Variants in RUNX1T1 observed in about 807,000 individuals in gnomAD.
RUNX1T1 encodes the protein RUNX1 partner transcriptional co-repressor 1.
A neutral mutation model predicts 62.8 loss-of-function variants in RUNX1T1; 4 were observed. That is an observed-to-expected ratio of 0.06 (90% CI 0.03 to 0.15). The LOEUF is 0.15. Ranked by LOEUF, RUNX1T1 falls within the 10% of genes least tolerant of loss-of-function variation. The pLI is 1.00. For missense variants in RUNX1T1, 508 were observed against 754.3 expected (o/e 0.67, Z 3.82); for synonymous variants, 291 against 286.0 (o/e 1.02, Z -0.18).
Position 91,991,770 on chromosome 8 carries a change from T to C in RUNX1T1, c.779A>G (p.Asn260Ser), listed in dbSNP as rs774943692. ...AGGTGGGGTAGGGTGAGGCAGGCCA[T>C]TGGGCTGGTAGGATAAGCCGTTATT... The change falls in exon 6 of 11, where the codon AAT (asparagine) becomes AGT (serine). Residue 260 changes from asparagine to serine, a missense_variant. Asn to Ser is a conservative substitution (Grantham distance 46). This residue lies in a region of RUNX1T1 where 167 missense variants were observed against 208.6 expected (regional missense o/e 0.80). Transcript: ENST00000396218. The C allele has an allele frequency of 2.5e-5, 40 of 1,613,972 alleles. No homozygotes were observed. Among genetic ancestry groups the C allele is most frequent in the Middle Eastern group, 1.6e-4 (1 of 6,084 alleles).
At chr8:92,088,636 A>T (rs1471763) in intron 1 of RUNX1T1, among the ~76,000 whole-genome samples, 129,309 of 152,188 alleles carry the variant, frequency 0.85, 55,370 homozygotes, top group East Asian at 0.99. Flanking sequence ...CCTCACTAAG[A>T]GTTACTAGGT....
upstream of RUNX1T1, among the ~76,000 whole-genome samples, chr8:92,067,090 G>A (rs141588720): frequency 4.2e-3 from 635 of 152,258 alleles, 6 homozygotes; most frequent in Middle Eastern, 0.041. Context: ...GAATTTGAAG[G>A]GTGTATAAAC....
At chr8:92,085,281 A>T (rs972097869) in intron 1 of RUNX1T1, among the ~76,000 whole-genome samples, 1 of 152,238 alleles carries the variant, frequency 6.6e-6, no homozygotes, top group African/African-American at 2.4e-5. Context: ...AATGACTCAG[A>T]GTACCAAAGG....
rs756008674 is a variant in RUNX1T1, at chr8:92,062,804, G to C, written c.-252C>G. On this transcript the variant is annotated 5_prime_UTR_variant, in exon 1 of 11. Transcript: ENST00000396218. The stretch of plus-strand genomic sequence containing the variant: ...AGGAGCACATGTGGCCTTGAACCCA[G>C]CCCTGTCTCTTTAGGCAGAACAATG... 36 of 1,465,290 alleles carry C rather than the reference G, an allele frequency of 2.5e-5. No homozygotes were observed. In the Admixed American group the frequency reaches 5.1e-4, roughly 21 times the overall value. The allele number at this position is 1,465,290 out of a possible 1,614,324, so 90.8% of individuals were successfully genotyped here.
At chr8:92,000,813 C>G (rs924564585) in intron 5 of RUNX1T1, among the ~76,000 whole-genome samples, 1 of 152,120 alleles carries the variant, frequency 6.6e-6, no homozygotes, top group Non-Finnish European at 1.5e-5. Flanking sequence ...TATACTATGG[C>G]ATCTACCCAC....
intron 1 of RUNX1T1, among the ~76,000 whole-genome samples, chr8:92,031,842 A>G (rs1826283681): frequency 6.6e-6 from 1 of 152,078 alleles, no homozygotes; most frequent in South Asian, 2.1e-4. Flanking sequence ...CTGTAATCCC[A>G]GCACTTTGGG....
upstream of RUNX1T1, chr8:92,102,736 C>T: frequency 9.3e-7 from 1 of 1,072,648 alleles, no homozygotes; most frequent in Non-Finnish European, 1.3e-6. This position sits in a 1 kb window ranked among gnomAD's most constrained non-coding sequence, Gnocchi z 4.5. Context: ...CAAGTACAGC[C>T]TGGAGCCTCG....
chr8:92,038,529 C>G (rs1827840541), intron 1 of RUNX1T1, among the ~76,000 whole-genome samples: 1 of 152,036 alleles, frequency 6.6e-6, no homozygotes, highest in African/African-American at 2.4e-5. Context: ...AAAAGCCAAA[C>G]AGGACACAGG....
chr8:91,977,100 G>A (rs1012370560), intron 8 of RUNX1T1: 1 of 194,264 alleles, frequency 5.1e-6, no homozygotes, highest in African/African-American at 2.3e-5. Context: ...CTAAGTATAT[G>A]TTGTTACATT....
chr8:92,012,515 C>G (rs763392306), intron 3 of RUNX1T1, among the ~76,000 whole-genome samples: 1 of 151,664 alleles, frequency 6.6e-6, no homozygotes, highest in East Asian at 1.9e-4. Flanking sequence ...TGACAGAGAA[C>G]GGGTATGGGT....
intron 3 of RUNX1T1, among the ~76,000 whole-genome samples, chr8:92,011,952 G>A (rs1822023662): frequency 6.6e-6 from 1 of 152,124 alleles, no homozygotes; most frequent in African/African-American, 2.4e-5. Context: ...AGTTTCTCAG[G>A]CAGGATCACA....
upstream of RUNX1T1, among the ~76,000 whole-genome samples, chr8:92,064,930 C>T (rs1015827283): frequency 1.3e-5 from 2 of 152,060 alleles, no homozygotes; most frequent in Admixed American, 1.3e-4. Context: ...TTAAATTGAT[C>T]CACATCAACA....
At chr8:92,075,319 C>T (rs1834259135) in intron 2 of RUNX1T1, among the ~76,000 whole-genome samples, 1 of 152,236 alleles carries the variant, frequency 6.6e-6, no homozygotes, top group Non-Finnish European at 1.5e-5. Context: ...CATGAACTCT[C>T]TCCCATAATT....
At chr8:91,961,098 A>G (rs560820217) in intron 10 of RUNX1T1, among the ~76,000 whole-genome samples, 14 of 152,324 alleles carry the variant, frequency 9.2e-5, no homozygotes, top group African/African-American at 3.4e-4. Context: ...GCATCCATTC[A>G]GTGAACCTTA....
At chr8:91,957,220 GTTTTC>G (rs1263695038), downstream of RUNX1T1, 2 of 219,512 alleles carry the variant, frequency 9.1e-6, no homozygotes, top group African/African-American at 4.5e-5. Context: ...AGTAACAAAA[GTTTTC>G]TTTTCTTTCT....
intron 1 of RUNX1T1, among the ~76,000 whole-genome samples, chr8:92,034,797 T>TAC (rs200718439): frequency 0.18 from 17,079 of 96,480 alleles, 1,242 homozygotes; most frequent in Middle Eastern, 0.22. Flanking sequence ...TATACATATA[T>TAC]ACACACACAC....
intron 1 of RUNX1T1, among the ~76,000 whole-genome samples, chr8:92,025,409 A>G (rs537135988): frequency 6.6e-6 from 1 of 152,090 alleles, no homozygotes; most frequent in Non-Finnish European, 1.5e-5. Context: ...CCTCCATACT[A>G]GACAGCTGCA....
chr8:92,057,861 C>T (rs1475989465), intron 1 of RUNX1T1, among the ~76,000 whole-genome samples: 1 of 152,116 alleles, frequency 6.6e-6, no homozygotes, highest in East Asian at 1.9e-4. Flanking sequence ...AAATAGCTTT[C>T]AAGAAATACT....
chr8:92,064,671 G>A (rs1832599505), upstream of RUNX1T1, among the ~76,000 whole-genome samples: 1 of 151,918 alleles, frequency 6.6e-6, no homozygotes, highest in South Asian at 2.1e-4. Flanking sequence ...TTTCACAGTG[G>A]GAAACCCAAC....
Sources: gnomAD v4.1 joint callset for allele counts (sites outside exome capture counted in the v4.1 genomes callset) on GRCh38, gnomAD v4.1.1 for gene constraint, gnomAD v4.1.1 regional missense constraint, Gnocchi (gnomAD v3.1) non-coding constraint, MANE v1.5 for transcripts, NCBI Gene and HGNC (gene_info 2026-07-23, HGNC 2026-07-21) for gene names.